Variants in PTBP3 observed in about 807,000 individuals in gnomAD.
The protein encoded by PTBP3 is polypyrimidine tract-binding protein 3.
In PTBP3, 20 loss-of-function variants were observed where a neutral mutation model predicts 58.7. The ratio of observed to expected loss-of-function variants is 0.34; its 90% confidence interval spans 0.24 to 0.50. PTBP3 has a LOEUF of 0.50. Among genes scored for constraint, PTBP3 ranks in the 20% least tolerant of loss-of-function variants. The probability of loss-of-function intolerance (pLI) is 0.98; values close to 1 mark genes in which losing one functional copy is unlikely to be tolerated. For missense variants in PTBP3, 509 were observed against 637.2 expected (o/e 0.80, Z 2.17); for synonymous variants, 185 against 219.8 (o/e 0.84, Z 1.40).
At chr9:112,308,378 A>C (rs988801368) in intron 1 of PTBP3, among the ~76,000 whole-genome samples, 3 of 119,748 alleles carry the variant, frequency 2.5e-5, no homozygotes, top group African/African-American at 6.5e-5. Context: ...AAAAAAAAAA[A>C]AAACTTTTCT....
At chr9:112,256,337 C>T (rs1169324420) in intron 5 of PTBP3, among the ~76,000 whole-genome samples, 1 of 144,988 alleles carries the variant, frequency 6.9e-6, no homozygotes, top group Admixed American at 7.0e-5. Flanking sequence ...TGTACTTCTA[C>T]TGTACTATAT....
At chr9:112,375,487 C>A in the PTBP3 span, among the ~76,000 whole-genome samples, 1 of 152,130 alleles carries the variant, frequency 6.6e-6, no homozygotes, top group South Asian at 2.1e-4. Flanking sequence ...ATGATGCCTG[C>A]GTATCATGCA....
intron 7 of PTBP3, among the ~76,000 whole-genome samples, chr9:112,239,308 T>C (rs1835550886): frequency 6.6e-6 from 1 of 152,170 alleles, no homozygotes; most frequent in African/African-American, 2.4e-5. Flanking sequence ...TAGGAAATAT[T>C]AGTAAACTGA....
chr9:112,257,845 C>A (rs1157951112), intron 5 of PTBP3, among the ~76,000 whole-genome samples: 3 of 150,284 alleles, frequency 2.0e-5, no homozygotes. Flanking sequence ...AAGGCTGAGG[C>A]AGGAGAATTG....
chr9:112,298,648 A>C, intron 1 of PTBP3: 1 of 437,992 alleles, frequency 2.3e-6, no homozygotes, highest in South Asian at 1.8e-5. Flanking sequence ...ATTTTTAAGA[A>C]CAAGTGTTTT....
intron 5 of PTBP3, among the ~76,000 whole-genome samples, chr9:112,253,791 C>A (rs553960055): frequency 2.6e-5 from 4 of 152,122 alleles, no homozygotes; most frequent in Non-Finnish European, 5.9e-5. Context: ...TGAAGAAGGT[C>A]CTGGCTTCCC....
intron 5 of PTBP3, among the ~76,000 whole-genome samples, chr9:112,255,941 T>C (rs1177748177): frequency 2.6e-5 from 4 of 152,112 alleles, no homozygotes; most frequent in Non-Finnish European, 5.9e-5. Context: ...TTGAGTTGTA[T>C]CTATTTCTTG....
chr9:112,296,344 C>T (rs7865424), intron 2 of PTBP3, among the ~76,000 whole-genome samples: 40,000 of 151,326 alleles, frequency 0.26, 6,570 homozygotes, highest in South Asian at 0.4. Context: ...TTCTAGTATC[C>T]TGTATGCTTT....
chr9:112,329,597 AAG>A (rs1830286741), intron 1 of PTBP3, among the ~76,000 whole-genome samples: 1 of 152,204 alleles, frequency 6.6e-6, no homozygotes. Context: ...CCTGGAAGAC[AAG>A]AGTTTGAACA....
At chr9:112,322,372 G>A (rs1381818810) in intron 1 of PTBP3, among the ~76,000 whole-genome samples, 1 of 152,152 alleles carries the variant, frequency 6.6e-6, no homozygotes, top group Admixed American at 6.6e-5. Flanking sequence ...AAACACTTGT[G>A]AAAGTCACAT....
At chr9:112,308,742 C>G (rs1270635038) in intron 1 of PTBP3, among the ~76,000 whole-genome samples, 1 of 151,720 alleles carries the variant, frequency 6.6e-6, no homozygotes, top group Non-Finnish European at 1.5e-5. Context: ...GGGGCAGGTG[C>G]TGGCTGCAAA....
chr9:112,320,314 A>ATATATATATATATATATATT lies in PTBP3; in HGVS notation c.-52+13155_-52+13156insAATATATATATATATATATA. 1.7e-3 allele frequency among the ~76,000 whole-genome samples: 132 copies of ATATATATATATATATATATT among 75,636 alleles called. 2 individuals are homozygous for ATATATATATATATATATATT. The highest frequency in any genetic ancestry group is 6.8e-3 in the South Asian group (14 of 2,056). The allele number at this position is 75,636 out of a possible 152,430, so 49.6% of individuals were successfully genotyped here. A position where few individuals can be genotyped will look rare whatever the true frequency, so the allele number is the denominator to read the frequency against. Reference sequence around the variant, plus strand: ...AAAATATATATATATATATATATATATTTTTTTTTAAGTGTTATCACCAGA... The same window carrying ATATATATATATATATATATT: ...AAAATATATATATATATATATATATATATATATATATATATATATTTTTTTTTTTAAGTGTTATCACCAGA... On this transcript the variant is annotated intron_variant, in intron 1 of 13. Transcript: ENST00000374257.
intron 2 of PTBP3, among the ~76,000 whole-genome samples, chr9:112,291,478 T>G (rs955056149): frequency 6.6e-6 from 1 of 152,054 alleles, no homozygotes; most frequent in African/African-American, 2.4e-5. Context: ...ATTACAAAGC[T>G]ATAGTAATTC....
intron 1 of PTBP3, among the ~76,000 whole-genome samples, chr9:112,305,327 A>G (rs1354229406): frequency 1.3e-5 from 2 of 149,898 alleles, no homozygotes; most frequent in African/African-American, 2.5e-5. Context: ...AGGAATAGCC[A>G]TGCCAGAAAG....
At chr9:112,244,986 T>C (rs961150476) in intron 7 of PTBP3, among the ~76,000 whole-genome samples, 4 of 152,160 alleles carry the variant, frequency 2.6e-5, no homozygotes, top group South Asian at 2.1e-4. Flanking sequence ...TAGACCATTG[T>C]AGCAATGCCC....
the PTBP3 span, among the ~76,000 whole-genome samples, chr9:112,354,373 G>C: frequency 6.6e-6 from 1 of 152,182 alleles, no homozygotes. Context: ...CAAATGTTCA[G>C]CCTTGAACAG....
At chr9:112,338,766 T>C in the PTBP3 span, among the ~76,000 whole-genome samples, 1 of 152,272 alleles carries the variant, frequency 6.6e-6, no homozygotes, top group African/African-American at 2.4e-5. Context: ...ACATGCTCAC[T>C]GACTTCTCAG....
At chr9:112,268,249 A>G in intron 3 of PTBP3, 54 bp from the exon 4 acceptor site, 1 of 1,554,070 alleles carries the variant, frequency 6.4e-7, no homozygotes, top group Non-Finnish European at 8.7e-7. Flanking sequence ...AAAGACAGTT[A>G]AGATATATTT....
chr9:112,258,033 T>C (rs1403454475), intron 5 of PTBP3, among the ~76,000 whole-genome samples: 2 of 152,168 alleles, frequency 1.3e-5, no homozygotes, highest in African/African-American at 4.8e-5. Flanking sequence ...ATAGTTTTTG[T>C]AGCCAATGAA....
Sources: allele counts gnomAD v4.1 joint callset (sites outside exome capture counted in the v4.1 genomes callset), GRCh38; gene constraint gnomAD v4.1.1; transcripts MANE v1.5; gene names NCBI Gene and HGNC (gene_info 2026-07-23, HGNC 2026-07-21).